Variants in VPS13D observed in about 807,000 individuals in gnomAD.
VPS13D encodes intermembrane lipid transfer protein VPS13D.
VPS13D carries 187 observed loss-of-function variants against 461.9 expected under a neutral mutation model. The observed-to-expected ratio is 0.40, with a 90% CI of 0.36 to 0.46. The LOEUF is 0.46. Among genes scored for constraint, VPS13D ranks in the 20% least tolerant of loss-of-function variants. VPS13D has a pLI of 0.60. For synonymous variants in VPS13D, 1,951 were observed against 1,986.3 expected, an observed-to-expected ratio of 0.98 and a Z score of 0.47; for missense variants, 4,711 against 5,364.9, an observed-to-expected ratio of 0.88 and a Z score of 3.81.
At chr1:12,311,017 A>G (rs552037512) in intron 27 of VPS13D, among the ~76,000 whole-genome samples, 2 of 151,942 alleles carry the variant, frequency 1.3e-5, no homozygotes, top group South Asian at 2.1e-4. Flanking sequence ...CCTGGGCTCA[A>G]GTGAACCCCC....
chr1:12,348,786 G>T (rs1643732744), intron 44 of VPS13D, 37 bp from the exon 45 acceptor site: 3 of 1,605,808 alleles, frequency 1.9e-6, no homozygotes, highest in South Asian at 1.1e-5. Context: ...TGTTTTTTCA[G>T]AAACATAACT....
intron 69 of VPS13D, 82 bp from the exon 70 acceptor site, chr1:12,508,811 C>A: frequency 6.7e-7 from 1 of 1,493,958 alleles, no homozygotes; most frequent in Non-Finnish European, 9.1e-7. Context: ...TGCAGCTGGG[C>A]TGGGAGCCGC....
Position 12,266,912 on chromosome 1 carries a change from A to AAGAAATTCC in VPS13D, c.1627_1635dup (p.Arg543_Ser545dup), listed in dbSNP as rs1191522524. 1 of 1,604,874 alleles carries AAGAAATTCC rather than the reference A, an allele frequency of 6.2e-7. No homozygotes were observed. Among genetic ancestry groups the AAGAAATTCC allele is most frequent in the South Asian group, 1.1e-5 (1 of 88,940 alleles). On this transcript the variant is annotated inframe_insertion, in exon 14 of 70. Transcript: ENST00000620676. ...AACTTCTAGCAGAGTCTCTTCCTCG[A>AAGAAATTCC]AGAAATTCCTCGTTGCTTTCAGTCC...
chr1:12,249,135 C>T, intron 5 of VPS13D, 88 bp from the exon 6 acceptor site: 1 of 1,061,438 alleles, frequency 9.4e-7, no homozygotes, highest in Non-Finnish European at 1.4e-6. Flanking sequence ...TCACCTACAG[C>T]AGTTATCTAA....
At chr1:12,367,944 T>C (rs1557736694) in intron 52 of VPS13D, among the ~76,000 whole-genome samples, 1 of 152,152 alleles carries the variant, frequency 6.6e-6, no homozygotes, top group Non-Finnish European at 1.5e-5. Context: ...ATTTTATTTT[T>C]ATTTTTAATT....
At chr1:12,232,872 C>T (rs1640025102) in intron 1 of VPS13D, among the ~76,000 whole-genome samples, 1 of 151,834 alleles carries the variant, frequency 6.6e-6, no homozygotes, top group Non-Finnish European at 1.5e-5. Context: ...GCCTCTCTCC[C>T]ATGTATATTA....
At chr1:12,444,550 T>C (rs1645170011) in intron 65 of VPS13D, among the ~76,000 whole-genome samples, 1 of 152,186 alleles carries the variant, frequency 6.6e-6, no homozygotes, top group African/African-American at 2.4e-5. Flanking sequence ...ACACCTCTCA[T>C]GCTCTTTTCT....
intron 30 of VPS13D, among the ~76,000 whole-genome samples, chr1:12,317,509 C>A (rs1488533797): frequency 6.6e-6 from 1 of 151,774 alleles, no homozygotes; most frequent in Non-Finnish European, 1.5e-5. Context: ...TAGTTAACAG[C>A]ATCCCTGGCC....
chr1:12,260,474 T>C (rs1317447763), intron 10 of VPS13D, among the ~76,000 whole-genome samples: 1 of 152,198 alleles, frequency 6.6e-6, no homozygotes, highest in Non-Finnish European at 1.5e-5. Context: ...GGTGATGTTT[T>C]TAAGACCAAA....
At chr1:12,432,009 A>G (rs536366850) in intron 65 of VPS13D, among the ~76,000 whole-genome samples, 1 of 152,338 alleles carries the variant, frequency 6.6e-6, no homozygotes, top group African/African-American at 2.4e-5. Flanking sequence ...TTTGTGGGTT[A>G]AAATGAATTT....
intron 54 of VPS13D, among the ~76,000 whole-genome samples, chr1:12,371,484 G>A (rs112959158): frequency 8.0e-5 from 12 of 150,654 alleles, no homozygotes; most frequent in African/African-American, 1.2e-4. Flanking sequence ...TCCACCTCCC[G>A]GGTTCAAGCG....
chr1:12,356,320 G>C, intron 48 of VPS13D, 78 bp from the exon 49 acceptor site: 1 of 1,516,452 alleles, frequency 6.6e-7, no homozygotes, highest in Non-Finnish European at 8.9e-7. Context: ...CCGCTTGATG[G>C]TTTTATTCAT....
At chr1:12,434,733 ATAT>A (rs1645037627) in intron 65 of VPS13D, among the ~76,000 whole-genome samples, 1 of 152,192 alleles carries the variant, frequency 6.6e-6, no homozygotes, top group South Asian at 2.1e-4. Context: ...AGCCTTTATT[ATAT>A]TATTCTGATA....
intron 67 of VPS13D, among the ~76,000 whole-genome samples, chr1:12,485,449 A>C (rs1323148112): frequency 6.6e-6 from 1 of 152,206 alleles, no homozygotes; most frequent in African/African-American, 2.4e-5. Context: ...GTCATATGGC[A>C]CAAGAGCCCT....
chr1:12,499,679 C>G, intron 68 of VPS13D: 1 of 985,414 alleles, frequency 1.0e-6, no homozygotes, highest in South Asian at 4.7e-5. Flanking sequence ...AACCATGTGT[C>G]TCCACCCAAG....
intron 65 of VPS13D, among the ~76,000 whole-genome samples, chr1:12,421,652 G>A (rs1384974939): frequency 6.6e-6 from 1 of 152,120 alleles, no homozygotes; most frequent in African/African-American, 2.4e-5. Context: ...TAACAATAGA[G>A]CAAATGATCC....
intron 63 of VPS13D, among the ~76,000 whole-genome samples, chr1:12,413,971 A>G (rs1213885571): frequency 1.3e-5 from 2 of 152,140 alleles, no homozygotes; most frequent in Non-Finnish European, 2.9e-5. Context: ...TCCAAGAAAA[A>G]TGCATAAATG....
chr1:12,500,298 T>C (rs1013812696), intron 68 of VPS13D: 3 of 891,070 alleles, frequency 3.4e-6, no homozygotes, highest in Non-Finnish European at 4.0e-6. Context: ...TGCACAATTG[T>C]CATTGCTTCC....
At chr1:12,439,819 C>T (rs762165990) in intron 65 of VPS13D, among the ~76,000 whole-genome samples, 1 of 152,194 alleles carries the variant, frequency 6.6e-6, no homozygotes, top group Non-Finnish European at 1.5e-5. Flanking sequence ...GACACTGAGG[C>T]TCTGAGAAGT....
Sources: allele counts gnomAD v4.1 joint callset (sites outside exome capture counted in the v4.1 genomes callset), GRCh38; gene constraint gnomAD v4.1.1; transcripts MANE v1.5; gene names NCBI Gene and HGNC (gene_info 2026-07-23, HGNC 2026-07-21).